SLC25A29: variants seen among roughly 807,000 people sequenced by gnomAD.
SLC25A29 encodes the protein mitochondrial basic amino acids transporter.
A neutral mutation model predicts 10.0 loss-of-function variants in SLC25A29; 13 were observed. The ratio of observed to expected loss-of-function variants is 1.30; its 90% confidence interval spans 0.85 to 2.07. The LOEUF is 2.07. Among genes scored for constraint, SLC25A29 ranks in the 30% most tolerant of loss-of-function variants. The pLI is 0.00. For missense variants in SLC25A29, 475 were observed against 447.6 expected (o/e 1.06, Z -0.55); for synonymous variants, 244 against 221.1 (o/e 1.10, Z -0.92).
At chr14:100,290,009 G>A (rs899844076), downstream of SLC25A29, among the ~76,000 whole-genome samples, 25 of 152,200 alleles carry the variant, frequency 1.6e-4, no homozygotes, top group African/African-American at 6.0e-4. Flanking sequence ...GCTCCTTGCC[G>A]CACCACTCCT....
At chr14:100,279,719 C>CG in the SLC25A29 span, 1 of 152,566 alleles carries the variant, frequency 6.6e-6, no homozygotes, top group Non-Finnish European at 1.5e-5. Flanking sequence ...TCCCCACTGT[C>CG]GGGTTGAGTA....
Position 100,292,327 on chromosome 14 carries a change from C to G in SLC25A29, c.868G>C (p.Ala290Pro), listed in dbSNP as rs760051254. ...EAGPEGEAVP[A>P]APAGPALAQP... ...GCCAGGGCAGGCCCCGCAGGGGCGG[C>G]GGGCACAGCCTCGCCCTCGGGCCCG... Residue 290 changes from alanine (A) to proline (P), a missense_variant, in exon 4 of 4, where the codon GCC becomes CCC. By Grantham distance (27) the Ala-to-Pro change is conservative. Transcript: ENST00000359232. 2.7e-6 allele frequency: 4 copies of G among 1,500,170 alleles called. No homozygotes were observed. The highest frequency in any genetic ancestry group is 3.5e-6 in the Non-Finnish European group (4 of 1,129,448). The allele number at this position is 1,500,170 out of a possible 1,614,324, so 92.9% of individuals were successfully genotyped here.
At chr14:100,302,066 G>A (rs573207060) in intron 1 of SLC25A29, among the ~76,000 whole-genome samples, 1 of 147,528 alleles carries the variant, frequency 6.8e-6, no homozygotes, top group African/African-American at 2.5e-5. Context: ...TTTTTTTTGA[G>A]ACAGAGTCTC....
In SLC25A29 at chr14:100,292,167, C is replaced by G. The variant is rs754387981; in HGVS notation, c.*116G>C. ...CTGATCAGCAAAATTCAGCCCACGT[C>G]TGATAGACTCCACAGCTCGCAGCAT... is the stretch of plus-strand genomic sequence containing the variant. On this transcript the variant is annotated 3_prime_UTR_variant, in exon 4 of 4. Coordinates refer to ENST00000359232, the MANE Select transcript of SLC25A29 (RefSeq NM_001039355.3). 2.2e-5 allele frequency: 31 copies of G among 1,389,278 alleles called. No individual in the cohort carries two copies. The South Asian group carries it at 3.3e-4, about 15-fold the overall frequency. The allele number at this position is 1,389,278 out of a possible 1,614,324, so 86.1% of individuals were successfully genotyped here. A position where few individuals can be genotyped will look rare whatever the true frequency, so the allele number is the denominator to read the frequency against.
At position 100,292,314 on chromosome 14, in the gene SLC25A29, C is replaced by G. The variant is rs1196046223; in HGVS notation, c.881G>C (p.Gly294Ala). 6.6e-7 allele frequency: 1 copy of G among 1,512,354 alleles called. No individual in the cohort carries two copies. The highest frequency in any genetic ancestry group is 8.8e-7 in the Non-Finnish European group (1 of 1,133,804). 93.7% of individuals were successfully genotyped at this position (1,512,354 alleles called of 1,614,324 possible). ...EGEAVPAAPA[G>A]PALAQPSSL Reference sequence around the variant, plus strand: ...GCTGGAGGGCTGCGCCAGGGCAGGCCCCGCAGGGGCGGCGGGCACAGCCTC... The same window carrying G: ...GCTGGAGGGCTGCGCCAGGGCAGGCGCCGCAGGGGCGGCGGGCACAGCCTC... Residue 294 changes from glycine to alanine, a missense_variant, in exon 4 of 4, where the codon GGG (glycine) becomes GCG (alanine). By Grantham distance (60) the Gly-to-Ala change is moderately conservative. Coordinates refer to ENST00000359232, the MANE Select transcript of SLC25A29 (RefSeq NM_001039355.3).
chr14:100,295,768 C>T (rs543764760), intron 2 of SLC25A29: 1 of 1,289,442 alleles, frequency 7.8e-7, no homozygotes, highest in African/African-American at 1.5e-5. Flanking sequence ...GGAGCCCCCA[C>T]AGCCAGCCCC....
chr14:100,285,016 C>T, the SLC25A29 span, among the ~76,000 whole-genome samples: 535 of 130,584 alleles, frequency 4.1e-3, 15 homozygotes, highest in Admixed American at 0.042. Flanking sequence ...TCTAGCCTGG[C>T]GACAGAGCGA....
At chr14:100,298,763 C>G (rs1892339385) in intron 2 of SLC25A29, 79 bp downstream of exon 2, 1 of 1,581,262 alleles carries the variant, frequency 6.3e-7, no homozygotes, top group Non-Finnish European at 8.7e-7. Flanking sequence ...TACACGGAAA[C>G]AGGCTTCCAG....
Position 100,292,781 on chromosome 14 carries a change from G to C in SLC25A29, c.414C>G (p.Leu138=), listed in dbSNP as rs1201704174. The C allele has an allele frequency of 7.5e-6, 12 of 1,598,538 alleles. No homozygotes were observed. The highest frequency in any genetic ancestry group is 1.0e-5 in the Non-Finnish European group (12 of 1,174,178). ...ARTYKGSLDC[L]AQIYGHEGLR... is the part of the protein sequence containing the mutation. ...GACCCTCGTGCCCGTAGATCTGCGC[G>C]AGGCAGTCCAGCGAGCCCTTGTAGG... The change falls in exon 4 of 4, where the codon CTC becomes CTG. Residue 138 remains leucine, a synonymous_variant. Coordinates refer to ENST00000359232, the MANE Select transcript of SLC25A29 (RefSeq NM_001039355.3).
At chr14:100,287,574 GCTT>G (rs1376251088), downstream of SLC25A29, among the ~76,000 whole-genome samples, 4 of 150,638 alleles carry the variant, frequency 2.7e-5, no homozygotes, top group Non-Finnish European at 5.9e-5. Flanking sequence ...ACCTCCAAGG[GCTT>G]CTTCTGCCGT....
At chr14:100,282,887 G>A in the SLC25A29 span, 2 of 152,222 alleles carry the variant, frequency 1.3e-5, no homozygotes, top group African/African-American at 4.8e-5. Context: ...CCTGGTCTAA[G>A]AGTTGCCTAA....
At chr14:100,296,996 G>A (rs1204478396) in intron 2 of SLC25A29, among the ~76,000 whole-genome samples, 1 of 151,604 alleles carries the variant, frequency 6.6e-6, no homozygotes, top group Non-Finnish European at 1.5e-5. Context: ...CCAGGGGGTT[G>A]GGGGGGGAAC....
chr14:100,301,700 G>A lies in SLC25A29; in HGVS notation c.35-2815C>T, dbSNP rs185153109. Among the ~76,000 whole-genome samples the A allele has an allele frequency of 8.7e-5, 13 of 149,556 alleles. No homozygotes were observed. In the East Asian group the frequency reaches 2.2e-3, roughly 25 times the overall value. On this transcript the variant is annotated intron_variant, in intron 1 of 3. Coordinates refer to ENST00000359232, the MANE Select transcript of SLC25A29 (RefSeq NM_001039355.3). ...AATTTTTTGCATATTTAGTAGAGACGGGGTTTCACCTTTGTTAGCCAGGAT... is the reference window on the plus strand; with the variant it reads ...AATTTTTTGCATATTTAGTAGAGACAGGGTTTCACCTTTGTTAGCCAGGAT...
chr14:100,287,978 G>A (rs1891578816), downstream of SLC25A29, among the ~76,000 whole-genome samples: 1 of 152,174 alleles, frequency 6.6e-6, no homozygotes, highest in Admixed American at 6.5e-5. Context: ...TTTTCAGTGG[G>A]AAGCAGAGAG....
downstream of SLC25A29, among the ~76,000 whole-genome samples, chr14:100,287,640 C>CT (rs1891572392): frequency 9.1e-6 from 1 of 110,002 alleles, no homozygotes; most frequent in Non-Finnish European, 1.9e-5. Flanking sequence ...CCCCCCCCTC[C>CT]GAATTCCTGG....
intron 2 of SLC25A29, chr14:100,295,887 C>T: frequency 7.8e-7 from 1 of 1,289,768 alleles, no homozygotes; most frequent in Non-Finnish European, 1.0e-6. Flanking sequence ...GGACAGAAAA[C>T]TCCCTTCGTG....
At chr14:100,306,173 C>T (rs746532396) in intron 1 of SLC25A29, 26 bp downstream of exon 1, 50 of 1,456,760 alleles carry the variant, frequency 3.4e-5, no homozygotes, top group Non-Finnish European at 4.5e-5. Context: ...CTCGCCCCGG[C>T]CCGGCCCGGC....
the SLC25A29 span, among the ~76,000 whole-genome samples, chr14:100,285,048 G>GGT: frequency 6.7e-6 from 1 of 149,818 alleles, no homozygotes; most frequent in African/African-American, 2.5e-5. Context: ...AAAAAGCGGG[G>GGT]GGGGGCGGGG....
chr14:100,303,550 A>G (rs995651877), intron 1 of SLC25A29, among the ~76,000 whole-genome samples: 3 of 152,036 alleles, frequency 2.0e-5, no homozygotes, highest in Non-Finnish European at 4.4e-5. Context: ...TTGTTTCAGC[A>G]CCCTTCGGCG....
Sources: allele counts gnomAD v4.1 joint callset (sites outside exome capture counted in the v4.1 genomes callset), GRCh38; gene constraint gnomAD v4.1.1; transcripts MANE v1.5; gene names NCBI Gene and HGNC (gene_info 2026-07-23, HGNC 2026-07-21).